Variants in NSUN6 observed in about 807,000 individuals in gnomAD.
NSUN6 encodes tRNA (cytosine(72)-C(5))-methyltransferase NSUN6.
A neutral mutation model predicts 58.0 loss-of-function variants in NSUN6; 64 were observed. That is an observed-to-expected ratio of 1.10 (90% confidence interval 0.90 to 1.36). The LOEUF is 1.36. Among genes scored for constraint, NSUN6 ranks in the 40% most tolerant of loss-of-function variants. The pLI is 0.00. For synonymous variants in NSUN6, 231 were observed against 193.9 expected, an observed-to-expected ratio of 1.19 and a Z score of -1.59; for missense variants, 701 against 550.1, an observed-to-expected ratio of 1.27 and a Z score of -2.74.
At chr10:18,622,731 G>A (rs34929895) in intron 3 of NSUN6, among the ~76,000 whole-genome samples, 28 of 152,146 alleles carry the variant, frequency 1.8e-4, no homozygotes, top group Non-Finnish European at 3.4e-4. Context: ...GATGGAAATC[G>A]AGTAGGCTGA....
At chr10:18,644,501 C>T (rs114621215) in intron 2 of NSUN6, among the ~76,000 whole-genome samples, 3 of 146,482 alleles carry the variant, frequency 2.0e-5, no homozygotes, top group Non-Finnish European at 3.0e-5. Flanking sequence ...TAAGGTATGT[C>T]TTTTTTTTTT....
rs550517598 is a variant in NSUN6 at position 18,606,230 on chromosome 10, A to G, written c.657+3615T>C. Among the ~76,000 whole-genome samples the G allele has an allele frequency of 2.3e-3, 353 of 152,182 alleles. 1 individual carries two copies. The highest frequency in any genetic ancestry group is 0.011 in the South Asian group (51 of 4,802). ...GCAGATTCCTGTAGGCCTACTCACA[A>G]TCTCCAGGGGGTTATCATGTACCCC... On this transcript the variant is annotated intron_variant, in intron 6 of 10. Transcript: ENST00000377304.
At chr10:18,559,655 G>T (rs1019141833) in intron 8 of NSUN6, among the ~76,000 whole-genome samples, 1 of 150,642 alleles carries the variant, frequency 6.6e-6, no homozygotes, top group Non-Finnish European at 1.5e-5. Flanking sequence ...AGAATCTTAC[G>T]GAGACGGCAA....
intron 3 of NSUN6, among the ~76,000 whole-genome samples, chr10:18,627,609 G>A (rs2058860598): frequency 6.6e-6 from 1 of 152,206 alleles, no homozygotes; most frequent in Non-Finnish European, 1.5e-5. Flanking sequence ...GAAGCACAAG[G>A]GGTCAGGGAG....
At chr10:18,566,282 TCCATC>T (rs1276651530) in intron 8 of NSUN6, among the ~76,000 whole-genome samples, 7 of 133,890 alleles carry the variant, frequency 5.2e-5, no homozygotes, top group Middle Eastern at 3.3e-3. Context: ...CATTCCATTC[TCCATC>T]CCATTCTATT....
chr10:18,594,242 T>C (rs1192138065), intron 7 of NSUN6, among the ~76,000 whole-genome samples: 3 of 151,914 alleles, frequency 2.0e-5, no homozygotes, highest in Admixed American at 2.0e-4. Context: ...CATTCATATA[T>C]TTTAAAACAT....
At chr10:18,557,934 AT>A (rs2055169979) in intron 8 of NSUN6, among the ~76,000 whole-genome samples, 1 of 151,248 alleles carries the variant, frequency 6.6e-6, no homozygotes, top group African/African-American at 2.4e-5. Context: ...GGAAGGGAAA[AT>A]GGAGAATGGA....
chr10:18,560,640 T>G (rs1420170034), intron 8 of NSUN6, among the ~76,000 whole-genome samples: 1 of 81,946 alleles, frequency 1.2e-5, no homozygotes, highest in African/African-American at 5.4e-5. Context: ...TATAAAGGAA[T>G]GGAATGGAGA....
chr10:18,558,837 A>G (rs1239605813), intron 8 of NSUN6, among the ~76,000 whole-genome samples: 1 of 151,336 alleles, frequency 6.6e-6, no homozygotes, highest in Non-Finnish European at 1.5e-5. Context: ...AAAATGGAAA[A>G]GAATGGAATG....
intron 9 of NSUN6, among the ~76,000 whole-genome samples, chr10:18,550,728 CTTTT>C (rs66875630): frequency 5.0e-5 from 7 of 138,954 alleles, no homozygotes; most frequent in Admixed American, 7.2e-5. Flanking sequence ...CAAAAAATCT[CTTTT>C]TTTTTTTTTT....
At chr10:18,656,175 A>G (rs975664408), upstream of NSUN6, among the ~76,000 whole-genome samples, 3 of 152,186 alleles carry the variant, frequency 2.0e-5, no homozygotes, top group African/African-American at 7.2e-5. Context: ...GGCAGGTAGA[A>G]TTTTCTGACG....
At chr10:18,572,565 TTCCTTTCCTTTTATTCTATTTCAAC>T (rs2056430913) in intron 8 of NSUN6, among the ~76,000 whole-genome samples, 1 of 151,104 alleles carries the variant, frequency 6.6e-6, no homozygotes, top group Non-Finnish European at 1.5e-5. Context: ...CCATTCTCCA[TTCCTTTCCTTTTATTCTATTTCAAC>T]TCCATTCCAT....
intron 8 of NSUN6, among the ~76,000 whole-genome samples, chr10:18,559,916 T>G (rs1267822336): frequency 2.7e-5 from 4 of 146,380 alleles, no homozygotes; most frequent in Non-Finnish European, 6.0e-5. Flanking sequence ...GAATGGAGAA[T>G]GGATTGGAAT....
At chr10:18,638,429 G>C (rs918875439) in intron 3 of NSUN6, among the ~76,000 whole-genome samples, 1 of 152,098 alleles carries the variant, frequency 6.6e-6, no homozygotes, top group African/African-American at 2.4e-5. Context: ...GCAACAGAGT[G>C]AGCCTCCATC....
At chr10:18,585,576 G>A (rs551352804) in intron 8 of NSUN6, among the ~76,000 whole-genome samples, 21 of 152,280 alleles carry the variant, frequency 1.4e-4, no homozygotes, top group African/African-American at 4.8e-4. Context: ...AATATTACAC[G>A]ATCTCACTTA....
At chr10:18,659,283 T>C (rs112027388), upstream of NSUN6, 55,158 of 269,432 alleles carry the variant, frequency 0.2, 6,395 homozygotes, top group Non-Finnish European at 0.25. Context: ...TTGCCGTAAG[T>C]GCGCCGTCGT....
chr10:18,562,145 G>T (rs781385135), intron 8 of NSUN6, among the ~76,000 whole-genome samples: 1 of 150,368 alleles, frequency 6.7e-6, no homozygotes, highest in East Asian at 2.0e-4. Context: ...AGAATGGAAT[G>T]GAAAATGGAA....
At chr10:18,623,168 C>T (rs2131404144) in intron 3 of NSUN6, among the ~76,000 whole-genome samples, 2 of 152,196 alleles carry the variant, frequency 1.3e-5, no homozygotes, top group Middle Eastern at 6.8e-3. Flanking sequence ...TTTTATTTTA[C>T]ATCTCATTTT....
At chr10:18,587,808 C>T (rs187416847) in intron 7 of NSUN6, among the ~76,000 whole-genome samples, 2 of 152,136 alleles carry the variant, frequency 1.3e-5, no homozygotes, top group Admixed American at 1.3e-4. Flanking sequence ...CCCTCATGAG[C>T]CTACACATGG....
Sources: allele counts gnomAD v4.1 joint callset (sites outside exome capture counted in the v4.1 genomes callset), GRCh38; gene constraint gnomAD v4.1.1; transcripts MANE v1.5; gene names NCBI Gene and HGNC (gene_info 2026-07-23, HGNC 2026-07-21).